Variants in CTNNA2 observed in about 807,000 individuals in gnomAD.
The protein encoded by CTNNA2 is catenin alpha-2.
Under a neutral mutation model 101.0 loss-of-function variants are expected in CTNNA2, and 42 were observed. That is an observed-to-expected ratio of 0.42 (90% CI 0.32 to 0.54). The LOEUF is 0.54. Among genes scored for constraint, CTNNA2 ranks in the 20% least tolerant of loss-of-function variants. The pLI, the probability that CTNNA2 is intolerant of heterozygous loss-of-function variation, is 0.14. For missense variants in CTNNA2, 871 were observed against 1,223.1 expected (o/e 0.71, Z 4.29); for synonymous variants, 450 against 456.4 (o/e 0.99, Z 0.18).
intron 3 of CTNNA2, among the ~76,000 whole-genome samples, chr2:79,367,976 C>A (rs1677786598): frequency 6.6e-6 from 1 of 152,078 alleles, no homozygotes; most frequent in South Asian, 2.1e-4. Flanking sequence ...AGATGAAATG[C>A]AATACTCCAT....
intron 15 of CTNNA2, among the ~76,000 whole-genome samples, chr2:80,599,760 T>C (rs1467552862): frequency 6.6e-6 from 1 of 152,074 alleles, no homozygotes; most frequent in Non-Finnish European, 1.5e-5. Context: ...TGCATTTTAG[T>C]AGTTCAAAAT....
intron 7 of CTNNA2, among the ~76,000 whole-genome samples, chr2:79,926,081 G>A (rs567414427): frequency 1.3e-5 from 2 of 152,172 alleles, no homozygotes; most frequent in African/African-American, 2.4e-5. Flanking sequence ...ATCACTGTTT[G>A]GCTATCAAGT....
In CTNNA2 at chr2:79,273,725, C is replaced by T. The variant is rs113816739; in HGVS notation, c.-405-38984C>T. On this transcript the variant is annotated intron_variant, in intron 2 of 21. Transcript: ENST00000466387. Reference sequence around the variant, plus strand: ...AAACAGTTTTTATATTTTATTTTCACATTGAAAATTAGTCAGATTTGCTTC... The same window carrying T: ...AAACAGTTTTTATATTTTATTTTCATATTGAAAATTAGTCAGATTTGCTTC... 3.1e-3 allele frequency among the ~76,000 whole-genome samples: 473 copies of T among 151,902 alleles called. 6 individuals carry two copies. The highest frequency in any genetic ancestry group is 0.011 in the African/African-American group (452 of 41,454).
At chr2:79,359,472 A>G (rs1380405593) in intron 3 of CTNNA2, among the ~76,000 whole-genome samples, 1 of 152,110 alleles carries the variant, frequency 6.6e-6, no homozygotes, top group Non-Finnish European at 1.5e-5. Context: ...CCAGGCATTC[A>G]CATGTTATAA....
At chr2:80,476,712 T>C (rs189299204) in intron 9 of CTNNA2, among the ~76,000 whole-genome samples, 1 of 152,268 alleles carries the variant, frequency 6.6e-6, no homozygotes, top group East Asian at 1.9e-4. Context: ...CCTCTCTTGC[T>C]TTCTGGCCTC....
intron 1 of CTNNA2, among the ~76,000 whole-genome samples, chr2:79,574,648 G>T (rs1021605363): frequency 1.4e-4 from 22 of 152,236 alleles, no homozygotes; most frequent in Non-Finnish European, 2.9e-4. Context: ...TTCCATGTCT[G>T]TGCTTTCATG....
At chr2:80,060,740 A>G (rs1697544546) in intron 7 of CTNNA2, among the ~76,000 whole-genome samples, 1 of 152,146 alleles carries the variant, frequency 6.6e-6, no homozygotes. Flanking sequence ...ACAAGAAGAC[A>G]GTGGATACAT....
chr2:79,628,050 T>G (rs1212246979), intron 1 of CTNNA2, among the ~76,000 whole-genome samples: 1 of 152,186 alleles, frequency 6.6e-6, no homozygotes, highest in Non-Finnish European at 1.5e-5. Context: ...AAAAAGCATG[T>G]TCATGATTTT....
At chr2:80,389,023 C>T (rs999805581) in intron 7 of CTNNA2, among the ~76,000 whole-genome samples, 5 of 152,148 alleles carry the variant, frequency 3.3e-5, no homozygotes, top group Non-Finnish European at 2.9e-5. Flanking sequence ...CAAATATTGC[C>T]TTTTTAAAGG....
chr2:79,574,542 A>G (rs1594400), intron 1 of CTNNA2, among the ~76,000 whole-genome samples: 94,382 of 152,084 alleles, frequency 0.62, 30,773 homozygotes, highest in Middle Eastern at 0.75. Context: ...TGCAGAGGAC[A>G]TGATCTCCTT....
intron 3 of CTNNA2, among the ~76,000 whole-genome samples, chr2:79,761,541 T>C (rs971476): frequency 0.16 from 24,142 of 152,192 alleles, 2,332 homozygotes; most frequent in East Asian, 0.47. Context: ...TTTAATAACA[T>C]TGGCTTTTGA....
chr2:80,424,722 T>C lies in CTNNA2; in HGVS notation c.1290+5121T>C, dbSNP rs183711228. Among the ~76,000 whole-genome samples the C allele has an allele frequency of 5.9e-5, 9 of 152,344 alleles. No homozygotes were observed. The East Asian group carries it at 1.5e-3, about 26-fold the overall frequency. ...CTGAGGATCAGATGTGTCACCTTAT[T>C]TGTGAAATCACAAACCCCAATTTTT... is the stretch of plus-strand genomic sequence containing the variant. On this transcript the variant is annotated intron_variant, in intron 9 of 18. Coordinates refer to ENST00000402739, the MANE Select transcript of CTNNA2 (RefSeq NM_001282597.3).
intron 2 of CTNNA2, among the ~76,000 whole-genome samples, chr2:79,718,280 A>G (rs1413417422): frequency 1.3e-5 from 2 of 152,222 alleles, no homozygotes; most frequent in Non-Finnish European, 2.9e-5. Flanking sequence ...TTTCTTAAAA[A>G]TAAAAACTAA....
chr2:79,405,168 A>G (rs761105101), intron 4 of CTNNA2, among the ~76,000 whole-genome samples: 11 of 151,982 alleles, frequency 7.2e-5, no homozygotes, highest in Non-Finnish European at 1.6e-4. Flanking sequence ...TCTAGAGGTG[A>G]AAGACTCAGC....
intron 1 of CTNNA2, among the ~76,000 whole-genome samples, chr2:79,563,927 GC>G (rs1283099455): frequency 1.3e-5 from 2 of 152,142 alleles, no homozygotes; most frequent in Non-Finnish European, 2.9e-5. Context: ...TTGGCATAGG[GC>G]CTGGTCATTG....
At chr2:79,506,000 T>A (rs552374307) in intron 5 of CTNNA2, among the ~76,000 whole-genome samples, 7 of 152,292 alleles carry the variant, frequency 4.6e-5, no homozygotes, top group Admixed American at 1.3e-4. Context: ...AAGATTGGGT[T>A]TGAGCCTTTA....
rs17019292 is a variant in CTNNA2, at chr2:80,531,877, C to G, written c.1291-13105C>G. Among the ~76,000 whole-genome samples the G allele has an allele frequency of 2.8e-3, 428 of 152,268 alleles. 3 individuals carry two copies. The highest frequency in any genetic ancestry group is 8.9e-3 in the African/African-American group (371 of 41,546). ...GTCTGAAAAAATTAAATGGTTAAATCTCACCAAGTTTTCATCTAAACTGGG... is the reference window on the plus strand; with the variant it reads ...GTCTGAAAAAATTAAATGGTTAAATGTCACCAAGTTTTCATCTAAACTGGG... On this transcript the variant is annotated intron_variant, in intron 9 of 18. Transcript: ENST00000402739.
chr2:79,640,983 T>A (rs1274886211), intron 1 of CTNNA2, among the ~76,000 whole-genome samples: 2 of 152,106 alleles, frequency 1.3e-5, no homozygotes, highest in Admixed American at 1.3e-4. Flanking sequence ...ATGTCAGTAT[T>A]TGGATATTGG....
At chr2:79,510,137 A>G (rs1050484182), upstream of CTNNA2, among the ~76,000 whole-genome samples, 2 of 152,204 alleles carry the variant, frequency 1.3e-5, no homozygotes, top group African/African-American at 2.4e-5. Context: ...TACATACAGG[A>G]TCTTCTGCAT....
Sources: gnomAD v4.1 joint callset for allele counts (sites outside exome capture counted in the v4.1 genomes callset) on GRCh38, gnomAD v4.1.1 for gene constraint, MANE v1.5 for transcripts, NCBI Gene and HGNC (gene_info 2026-07-23, HGNC 2026-07-21) for gene names.